The following NAALADL2 variants were observed in gnomAD, a reference collection of about 807,000 sequenced individuals.
The protein encoded by NAALADL2 is inactive N-acetylated-alpha-linked acidic dipeptidase-like protein 2.
A neutral mutation model predicts 87.2 loss-of-function variants in NAALADL2; 76 were observed. The ratio of observed to expected loss-of-function variants is 0.87; its 90% CI spans 0.72 to 1.05. The LOEUF (loss-of-function observed/expected upper bound fraction) is 1.05. Ranked by LOEUF, NAALADL2 falls within the 50% of genes least tolerant of loss-of-function variation. NAALADL2 has a pLI of 0.00. For synonymous variants in NAALADL2, 354 were observed against 331.0 expected (o/e 1.07, Z -0.75); for missense variants, 1,089 against 945.8 (o/e 1.15, Z -1.99).
At chr3:174,695,724 A>C (rs1271639807) in intron 2 of NAALADL2, among the ~76,000 whole-genome samples, 7 of 152,058 alleles carry the variant, frequency 4.6e-5, no homozygotes, top group African/African-American at 1.7e-4. Context: ...ATAGACATTA[A>C]AACTGAAAAG....
chr3:174,663,499 G>A (rs904647516), intron 2 of NAALADL2, among the ~76,000 whole-genome samples: 11 of 152,104 alleles, frequency 7.2e-5, no homozygotes, highest in African/African-American at 2.4e-4. Flanking sequence ...AAAGGGGAAG[G>A]GGAGATGGCT....
At chr3:174,688,666 T>C (rs866789451) in intron 2 of NAALADL2, among the ~76,000 whole-genome samples, 1 of 152,030 alleles carries the variant, frequency 6.6e-6, no homozygotes, top group African/African-American at 2.4e-5. Flanking sequence ...GAGGACTATA[T>C]GTTGTAGCGA....
At chr3:175,655,695 TAAATAAAATAAAATAAAATA>T (rs55666338) in intron 11 of NAALADL2, 1 of 147,984 alleles carries the variant, frequency 6.8e-6, no homozygotes, top group Non-Finnish European at 1.5e-5. Context: ...CTTAAAAAAA[TAAATAAAATAAAATAAAATA>T]AAATAAAATA....
chr3:174,686,334 A>T (rs879460851), intron 2 of NAALADL2, among the ~76,000 whole-genome samples: 4 of 151,828 alleles, frequency 2.6e-5, no homozygotes, highest in Non-Finnish European at 4.4e-5. Flanking sequence ...AGCATCTGTT[A>T]TTTATTTATT....
At chr3:175,143,012 A>C (rs1375442150) in intron 2 of NAALADL2, among the ~76,000 whole-genome samples, 1 of 152,004 alleles carries the variant, frequency 6.6e-6, no homozygotes, top group Non-Finnish European at 1.5e-5. Flanking sequence ...TCTAGGGGAA[A>C]TAATATTGGC....
intron 1 of NAALADL2, among the ~76,000 whole-genome samples, chr3:175,080,568 G>GT (rs1717604153): frequency 6.6e-6 from 1 of 152,190 alleles, no homozygotes; most frequent in African/African-American, 2.4e-5. Context: ...CTGCTTGGCA[G>GT]TATGAGTTTT....
intron 3 of NAALADL2, among the ~76,000 whole-genome samples, chr3:174,839,853 A>T (rs1329558783): frequency 3.3e-5 from 5 of 151,992 alleles, no homozygotes; most frequent in African/African-American, 1.2e-4. Flanking sequence ...AAAAAAAAAT[A>T]GTTGTTCGCA....
chr3:174,986,507 C>T (rs765705379), intron 1 of NAALADL2, among the ~76,000 whole-genome samples: 29 of 151,450 alleles, frequency 1.9e-4, no homozygotes, highest in Admixed American at 5.9e-4. Flanking sequence ...TTAGTTTTTC[C>T]GTTAAATGGT....
intron 2 of NAALADL2, among the ~76,000 whole-genome samples, chr3:174,728,019 AG>A (rs1398580551): frequency 2.6e-5 from 4 of 152,120 alleles, no homozygotes; most frequent in Non-Finnish European, 5.9e-5. Context: ...TATGTACTTA[AG>A]GCTCATTCAT....
intron 7 of NAALADL2, among the ~76,000 whole-genome samples, chr3:175,463,706 GA>G (rs1723525361): frequency 6.9e-6 from 1 of 144,636 alleles, no homozygotes; most frequent in Non-Finnish European, 1.5e-5. Context: ...TCGGGGGAGA[GA>G]GAGAGAGAGA....
intron 2 of NAALADL2, among the ~76,000 whole-genome samples, chr3:174,596,074 T>C (rs1009038258): frequency 3.3e-5 from 5 of 151,704 alleles, no homozygotes; most frequent in African/African-American, 1.2e-4. Flanking sequence ...ACAAAAACAA[T>C]ATTAATAACA....
rs140660641 is a variant in NAALADL2 at position 175,630,649 on chromosome 3, A to G, written c.1896+3263A>G. 6.8e-3 allele frequency among the ~76,000 whole-genome samples: 1,028 copies of G among 151,882 alleles called. 9 individuals carry two copies. The highest frequency in any genetic ancestry group is 0.024 in the African/African-American group (987 of 41,510). ...TGTGTACAAATAGAATATAAATTTT[A>G]ATTTGTGAAGAGTTGAGGCCTTTAG... On this transcript the variant is annotated intron_variant, in intron 11 of 13. Transcript: ENST00000454872.
intron 4 of NAALADL2, among the ~76,000 whole-genome samples, chr3:175,266,157 A>G (rs990809724): frequency 1.3e-5 from 2 of 150,910 alleles, no homozygotes; most frequent in Non-Finnish European, 3.0e-5. Flanking sequence ...TGCATTTTAG[A>G]ATACACCCGG....
At chr3:174,783,239 T>G (rs1382931491) in intron 3 of NAALADL2, among the ~76,000 whole-genome samples, 2 of 152,298 alleles carry the variant, frequency 1.3e-5, no homozygotes, top group Non-Finnish European at 2.9e-5. Flanking sequence ...ATTTCTCACT[T>G]GAGGGCCCTA....
chr3:174,912,084 A>G (rs1164955948), intron 1 of NAALADL2, among the ~76,000 whole-genome samples: 1 of 151,790 alleles, frequency 6.6e-6, no homozygotes, highest in East Asian at 1.9e-4. Context: ...GATGAACTAT[A>G]CTCTCTGTAG....
At chr3:174,441,480 C>T (rs114280263) in intron 1 of NAALADL2, among the ~76,000 whole-genome samples, 12,156 of 152,164 alleles carry the variant, frequency 0.08, 623 homozygotes, top group South Asian at 0.12. Context: ...AGGTAAAGAG[C>T]GGCGCCGCGG....
At chr3:174,571,081 A>G (rs758324084) in intron 2 of NAALADL2, among the ~76,000 whole-genome samples, 2 of 152,164 alleles carry the variant, frequency 1.3e-5, no homozygotes, top group African/African-American at 2.4e-5. Context: ...CCTTTCGGAT[A>G]AGCTTCCAGG....
intron 2 of NAALADL2, among the ~76,000 whole-genome samples, chr3:174,725,943 G>T (rs959868206): frequency 6.6e-6 from 1 of 152,136 alleles, no homozygotes; most frequent in Non-Finnish European, 1.5e-5. Context: ...AGGAGCAAGT[G>T]AATTGTTGTA....
rs370962538 is a variant in NAALADL2, at chr3:175,572,181, T to G, written c.1654-3860T>G. Among the ~76,000 whole-genome samples the G allele has an allele frequency of 5.4e-4, 82 of 152,256 alleles. No individual in the cohort carries two copies. In the South Asian group the frequency reaches 0.016, roughly 30 times the overall value. ...AAGCCTCCATCTTGGTTTGGCTTTT[T>G]TGAAGCATTTTCCCTCCCTTTGGGC... On this transcript the variant is annotated intron_variant, in intron 9 of 13. Coordinates refer to ENST00000454872, the MANE Select transcript of NAALADL2 (RefSeq NM_207015.3).
Sources: allele counts gnomAD v4.1 joint callset (sites outside exome capture counted in the v4.1 genomes callset), GRCh38; gene constraint gnomAD v4.1.1; transcripts MANE v1.5; gene names NCBI Gene and HGNC (gene_info 2026-07-23, HGNC 2026-07-21).